The following NR3C2 variants were observed in gnomAD, a reference collection of about 807,000 sequenced individuals.
NR3C2 encodes the protein nuclear receptor subfamily 3 group C member 2.
In NR3C2, 15 loss-of-function variants were observed where a neutral mutation model predicts 86.4. That is an observed-to-expected ratio of 0.17 (90% CI 0.12 to 0.27). NR3C2 has a LOEUF of 0.27. Among genes scored for constraint, NR3C2 ranks in the 10% least tolerant of loss-of-function variants. The pLI, the probability that NR3C2 is intolerant of heterozygous loss-of-function variation, is 1.00. For synonymous variants in NR3C2, 458 were observed against 450.5 expected, an observed-to-expected ratio of 1.02 and a Z score of -0.21; for missense variants, 960 against 1,195.6, an observed-to-expected ratio of 0.80 and a Z score of 2.91.
upstream of NR3C2, chr4:148,444,467 T>C: frequency 1.0e-6 from 1 of 985,832 alleles, no homozygotes; most frequent in Non-Finnish European, 1.2e-6. Flanking sequence ...GGGCCGCCCC[T>C]GCGCTCTCCG....
intron 2 of NR3C2, among the ~76,000 whole-genome samples, chr4:148,360,924 A>AT (rs1445013600): frequency 1.3e-5 from 2 of 152,196 alleles, no homozygotes; most frequent in Admixed American, 6.5e-5. Flanking sequence ...AATAAAGTGT[A>AT]TGACTGGCCA....
chr4:148,257,675 A>G (rs188948936), intron 3 of NR3C2, among the ~76,000 whole-genome samples: 3 of 152,226 alleles, frequency 2.0e-5, no homozygotes, highest in Admixed American at 2.0e-4. Context: ...AATATTTTAT[A>G]TAAAGATAGC....
At chr4:148,270,411 T>C (rs1212184181) in intron 2 of NR3C2, among the ~76,000 whole-genome samples, 6 of 152,290 alleles carry the variant, frequency 3.9e-5, no homozygotes, top group Admixed American at 6.5e-5. Flanking sequence ...TATCTTTTAT[T>C]ATTTCAGAAA....
At chr4:148,309,084 G>C (rs1345459445) in intron 2 of NR3C2, among the ~76,000 whole-genome samples, 1 of 151,960 alleles carries the variant, frequency 6.6e-6, no homozygotes, top group African/African-American at 2.4e-5. Context: ...ATAATTACCT[G>C]ATTTGATCAC....
At position 148,340,999 on chromosome 4, in the gene NR3C2, C is replaced by T. The variant is rs193197729; in HGVS notation, c.1758-80882G>A. Among the ~76,000 whole-genome samples the T allele has an allele frequency of 5.8e-3, 883 of 151,794 alleles. 8 individuals are homozygous for T. The highest frequency in any genetic ancestry group is 9.3e-3 in the Non-Finnish European group (632 of 67,890). On this transcript the variant is annotated intron_variant, in intron 2 of 8. Coordinates refer to ENST00000358102, the MANE Select transcript of NR3C2 (RefSeq NM_000901.5). ...AGTTGCTGGTAAGGATGAAGAGAAA[C>T]GGGAACACTTGTACACTGTTGGTAG...
intron 2 of NR3C2, among the ~76,000 whole-genome samples, chr4:148,369,316 A>G (rs1746299119): frequency 6.6e-6 from 1 of 152,212 alleles, no homozygotes; most frequent in Non-Finnish European, 1.5e-5. Context: ...TAAAGTACCC[A>G]TAACATGAAT....
intron 2 of NR3C2, among the ~76,000 whole-genome samples, chr4:148,358,624 CAAATAAA>C (rs930743543): frequency 1.6e-3 from 84 of 51,270 alleles, no homozygotes; most frequent in African/African-American, 5.2e-3. Context: ...AGTATAATAA[CAAATAAA>C]AAATAAAAAA....
At chr4:148,226,642 T>C (rs1738182154) in intron 3 of NR3C2, among the ~76,000 whole-genome samples, 1 of 152,162 alleles carries the variant, frequency 6.6e-6, no homozygotes, top group Admixed American at 6.6e-5. Context: ...TACAGTGACT[T>C]TATAGGAAAC....
chr4:148,268,301 T>C (rs1740502642), intron 2 of NR3C2, among the ~76,000 whole-genome samples: 1 of 152,192 alleles, frequency 6.6e-6, no homozygotes, highest in South Asian at 2.1e-4. Context: ...AGCGGGAATA[T>C]TTGAGAGCTG....
At chr4:148,160,131 T>G (rs899653927) in intron 4 of NR3C2, among the ~76,000 whole-genome samples, 1 of 152,202 alleles carries the variant, frequency 6.6e-6, no homozygotes, top group Non-Finnish European at 1.5e-5. Context: ...TGCCCTCAGG[T>G]GCCTAGTCCT....
intron 3 of NR3C2, among the ~76,000 whole-genome samples, chr4:148,231,427 T>A (rs1252909522): frequency 6.6e-6 from 1 of 152,222 alleles, no homozygotes; most frequent in East Asian, 1.9e-4. Flanking sequence ...ATAGTTTTTT[T>A]GGTTTCCCAG....
chr4:148,335,150 T>C (rs1744418102), intron 2 of NR3C2, among the ~76,000 whole-genome samples: 1 of 152,322 alleles, frequency 6.6e-6, no homozygotes, highest in African/African-American at 2.4e-5. Flanking sequence ...AATCTATGAA[T>C]TGGGGCAGGA....
At chr4:148,269,008 G>C (rs998336869) in intron 2 of NR3C2, among the ~76,000 whole-genome samples, 1 of 152,110 alleles carries the variant, frequency 6.6e-6, no homozygotes, top group Non-Finnish European at 1.5e-5. Context: ...GAGAAAGGCT[G>C]GAATGTAACT....
intron 8 of NR3C2, among the ~76,000 whole-genome samples, chr4:148,107,697 G>A (rs1424176499): frequency 1.3e-5 from 2 of 152,148 alleles, no homozygotes; most frequent in Admixed American, 6.5e-5. Context: ...TCCTTTGCAG[G>A]GACATGGATG....
chr4:148,193,932 C>T (rs1736321607), intron 4 of NR3C2, among the ~76,000 whole-genome samples: 1 of 152,208 alleles, frequency 6.6e-6, no homozygotes, highest in South Asian at 2.1e-4. Context: ...CATCCCTCCA[C>T]TGATCTTAAA....
At chr4:148,386,286 G>A (rs1403697742) in intron 2 of NR3C2, among the ~76,000 whole-genome samples, 1 of 152,054 alleles carries the variant, frequency 6.6e-6, no homozygotes, top group African/African-American at 2.4e-5. Context: ...AAATTAACAG[G>A]GCCACTCCCT....
chr4:148,417,004 T>C (rs1749042361), intron 2 of NR3C2, among the ~76,000 whole-genome samples: 1 of 152,164 alleles, frequency 6.6e-6, no homozygotes, highest in African/African-American at 2.4e-5. Flanking sequence ...CTCGAACTGC[T>C]GACCTCAGGT....
chr4:148,343,358 C>T (rs993331042), intron 2 of NR3C2, among the ~76,000 whole-genome samples: 4 of 152,108 alleles, frequency 2.6e-5, no homozygotes, highest in Middle Eastern at 6.3e-3. Flanking sequence ...AGGCTCATTA[C>T]ATCTCACGGA....
chr4:148,308,773 C>G (rs1252312020), intron 2 of NR3C2, among the ~76,000 whole-genome samples: 2 of 152,076 alleles, frequency 1.3e-5, no homozygotes, highest in African/African-American at 4.8e-5. Context: ...CTTGCTCGAG[C>G]TCAGGAGTTC....
Sources: allele counts gnomAD v4.1 joint callset (sites outside exome capture counted in the v4.1 genomes callset), GRCh38; gene constraint gnomAD v4.1.1; transcripts MANE v1.5; gene names NCBI Gene and HGNC (gene_info 2026-07-23, HGNC 2026-07-21).